Variants in STK10 observed in about 807,000 individuals in gnomAD.
The protein encoded by STK10 is serine/threonine-protein kinase 10.
STK10 carries 78 observed loss-of-function variants against 113.8 expected under a neutral mutation model. That is an observed-to-expected ratio of 0.69 (90% CI 0.57 to 0.83). The LOEUF (loss-of-function observed/expected upper bound fraction) is 0.83, where lower values mean the gene tolerates loss of function less well. STK10 is among the 40% of genes least tolerant of loss of function. The pLI is 0.00. For missense variants in STK10, 1,109 were observed against 1,280.1 expected (o/e 0.87, Z 2.04); for synonymous variants, 465 against 494.7 (o/e 0.94, Z 0.80).
chr5:172,108,096 A>G, intron 4 of STK10: 2 of 414,246 alleles, frequency 4.8e-6, no homozygotes, highest in South Asian at 8.3e-5. Flanking sequence ...TTGGCAATAA[A>G]TAGCAAGAAC....
intron 3 of STK10, among the ~76,000 whole-genome samples, chr5:172,118,208 G>C (rs1243909738): frequency 6.6e-6 from 1 of 152,192 alleles, no homozygotes; most frequent in African/African-American, 2.4e-5. Context: ...AGGTCATGCA[G>C]GTGGGAAGAC....
At chr5:172,101,268 C>T (rs971442281) in intron 7 of STK10, among the ~76,000 whole-genome samples, 2 of 151,956 alleles carry the variant, frequency 1.3e-5, no homozygotes, top group Admixed American at 6.6e-5. Flanking sequence ...GTCAGGAGTT[C>T]AAGACCAGCC....
intron 2 of STK10, among the ~76,000 whole-genome samples, chr5:172,146,314 T>A (rs1175067236): frequency 6.6e-6 from 1 of 152,018 alleles, no homozygotes; most frequent in African/African-American, 2.4e-5. Context: ...TCACATGAGA[T>A]CATGCATGTG....
rs751548074 is a variant in STK10, at chr5:172,146,992, G to A, written c.321+9632C>T. Among the ~76,000 whole-genome samples, 124 of 152,292 alleles carry A rather than the reference G, an allele frequency of 8.1e-4. 1 individual carries two copies. Among genetic ancestry groups the A allele is most frequent in the Non-Finnish European group, 2.5e-4 (17 of 68,026 alleles). The stretch of plus-strand genomic sequence containing the variant: ...CCACCCCACATACCAGTTGCACGTC[G>A]AGGCCTCTGGACCTTCTGAGATACT... On this transcript the variant is annotated intron_variant, in intron 2 of 18. Coordinates refer to ENST00000176763, the MANE Select transcript of STK10 (RefSeq NM_005990.4).
At chr5:172,119,459 T>C (rs1054945866) in intron 3 of STK10, among the ~76,000 whole-genome samples, 1 of 152,104 alleles carries the variant, frequency 6.6e-6, no homozygotes, top group African/African-American at 2.4e-5. Context: ...TCAATGCCTG[T>C]AGTGCCAGCT....
chr5:172,119,942 G>A (rs1769474530), intron 3 of STK10, among the ~76,000 whole-genome samples: 1 of 152,156 alleles, frequency 6.6e-6, no homozygotes, highest in Non-Finnish European at 1.5e-5. Flanking sequence ...AGCAGGGGCA[G>A]GGGCTCAGCT....
chr5:172,162,655 T>C (rs903492654), intron 1 of STK10, among the ~76,000 whole-genome samples: 19 of 152,132 alleles, frequency 1.2e-4, no homozygotes, highest in Non-Finnish European at 2.8e-4. Flanking sequence ...GAGAGGAAGG[T>C]TGAAGGCTTA....
intron 1 of STK10, among the ~76,000 whole-genome samples, chr5:172,160,685 G>A (rs189096519): frequency 2.3e-4 from 35 of 152,212 alleles, no homozygotes; most frequent in Admixed American, 8.5e-4. Context: ...CGGAAATTCC[G>A]GCTGGCCAAG....
intron 7 of STK10, 21 bp downstream of exon 7, chr5:172,105,635 G>A (rs779026467): frequency 2.5e-6 from 4 of 1,613,304 alleles, no homozygotes; most frequent in Non-Finnish European, 3.4e-6. Flanking sequence ...AGGGAGCAGA[G>A]TGGGAGGGGA....
rs568450188 is a variant in STK10 at position 172,188,046 on chromosome 5, C to A, written c.-4G>T. Reference sequence around the variant, plus strand: ...GGCGGAAATTGGCAAAAGCCATGGCCGGGGGCGCGGTGGCGCCGGCTCGGG... The same window carrying A: ...GGCGGAAATTGGCAAAAGCCATGGCAGGGGGCGCGGTGGCGCCGGCTCGGG... On this transcript the variant is annotated 5_prime_UTR_variant, in exon 1 of 19. Coordinates refer to ENST00000176763, the MANE Select transcript of STK10 (RefSeq NM_005990.4). The surrounding 1 kb of genome is among the most constrained non-coding windows in gnomAD (Gnocchi z 5.6). 24 of 1,610,670 alleles carry A rather than the reference C, an allele frequency of 1.5e-5. No individual in the cohort carries two copies. The South Asian group carries it at 2.3e-4, about 15-fold the overall frequency.
At chr5:172,057,247 T>C (rs1481520084) in intron 15 of STK10, 102 bp downstream of exon 15, 1 of 1,495,820 alleles carries the variant, frequency 6.7e-7, no homozygotes, top group African/African-American at 1.4e-5. Context: ...GCACTTGTCA[T>C]CCAAAGTGTG....
In STK10 at chr5:172,082,084, G is replaced by A. The variant is rs1427813949; in HGVS notation, c.1989+242C>T. 6.6e-6 allele frequency among the ~76,000 whole-genome samples: 1 copy of A among 152,122 alleles called. No individual in the cohort carries two copies. The highest frequency in any genetic ancestry group is 1.5e-5 in the Non-Finnish European group (1 of 68,008). The stretch of plus-strand genomic sequence containing the variant: ...AAGCTGGGAGGATGTAAAGGAAGCT[G>A]CCTGAGGCCACAGGGTGAGGCCTGC... On this transcript the variant is annotated intron_variant, in intron 12 of 18. Coordinates refer to ENST00000176763, the MANE Select transcript of STK10 (RefSeq NM_005990.4). This position sits in a 1 kb window ranked among gnomAD's most constrained non-coding sequence, Gnocchi z 4.3.
At chr5:172,089,407 T>TGGATGGATGGATGGATGGATGGATGGAA (rs1768638491) in intron 10 of STK10, among the ~76,000 whole-genome samples, 4 of 147,252 alleles carry the variant, frequency 2.7e-5, no homozygotes, top group African/African-American at 1.1e-4. Flanking sequence ...GATGGATGGA[T>TGGATGGATGGATGGATGGATGGATGGAA]GGATGGATGG....
intron 18 of STK10, among the ~76,000 whole-genome samples, chr5:172,051,254 C>A (rs764759278): frequency 6.0e-4 from 92 of 152,254 alleles, no homozygotes; most frequent in African/African-American, 2.1e-3. Context: ...AAAATTATAT[C>A]TCCACCAGGC....
rs542929793 is a variant in STK10, at chr5:172,080,059, G to A, written c.1989+2267C>T. 6.6e-5 allele frequency among the ~76,000 whole-genome samples: 10 copies of A among 152,194 alleles called. No individual in the cohort carries two copies. The South Asian group carries it at 2.1e-3, about 32-fold the overall frequency. On this transcript the variant is annotated intron_variant, in intron 12 of 18. Transcript: ENST00000176763. Reference sequence around the variant, plus strand: ...AAAAGCATGTGCTCACTTCCTGTCTGTTCACATTTTGGTAATTCTCGCAAT... The same window carrying A: ...AAAAGCATGTGCTCACTTCCTGTCTATTCACATTTTGGTAATTCTCGCAAT...
chr5:172,174,457 C>T (rs1363167056), intron 1 of STK10, among the ~76,000 whole-genome samples: 13 of 152,130 alleles, frequency 8.5e-5, no homozygotes, highest in Admixed American at 5.9e-4. Context: ...CAGGTATGAG[C>T]GAGCCACTGC....
At chr5:172,118,944 T>A (rs947534578) in intron 3 of STK10, among the ~76,000 whole-genome samples, 21 of 150,588 alleles carry the variant, frequency 1.4e-4, no homozygotes, top group African/African-American at 2.5e-5. Flanking sequence ...TTTCTCAGCA[T>A]GAGGAAGCTT....
chr5:172,095,456 G>A lies in STK10; in HGVS notation c.1005+970C>T, dbSNP rs567656551. On this transcript the variant is annotated intron_variant, in intron 8 of 18. Transcript: ENST00000176763. ...TTCTCCTACTCCAAATCCACCCCTGGCCCTGCCATCTATCGGCTCAGCCAG... is the reference window on the plus strand; with the variant it reads ...TTCTCCTACTCCAAATCCACCCCTGACCCTGCCATCTATCGGCTCAGCCAG... Among the ~76,000 whole-genome samples the A allele has an allele frequency of 4.0e-3, 611 of 152,268 alleles. 1 individual carries two copies. The highest frequency in any genetic ancestry group is 7.1e-3 in the Non-Finnish European group (486 of 68,012).
At chr5:172,159,866 A>G (rs564332944) in intron 1 of STK10, among the ~76,000 whole-genome samples, 26 of 152,240 alleles carry the variant, frequency 1.7e-4, no homozygotes, top group Non-Finnish European at 2.9e-4. Flanking sequence ...GGCCGGGCGC[A>G]GTGGCTCATG....
Sources: gnomAD v4.1 joint callset for allele counts (sites outside exome capture counted in the v4.1 genomes callset) on GRCh38, gnomAD v4.1.1 for gene constraint, Gnocchi (gnomAD v3.1) non-coding constraint, MANE v1.5 for transcripts, NCBI Gene and HGNC (gene_info 2026-07-23, HGNC 2026-07-21) for gene names.